The following CSRNP3 variants were observed in gnomAD, a reference collection of about 807,000 sequenced individuals.
CSRNP3 encodes the protein cysteine and serine rich nuclear protein 3, also known as cysteine/serine-rich nuclear protein 3.
Under a neutral mutation model 48.0 loss-of-function variants are expected in CSRNP3, and 12 were observed. That is an observed-to-expected ratio of 0.25 (90% CI 0.16 to 0.41). The LOEUF (loss-of-function observed/expected upper bound fraction) is 0.41, where lower values mean the gene tolerates loss of function less well. CSRNP3 is among the 10% of genes least tolerant of loss of function. The probability of loss-of-function intolerance (pLI) is 1.00; values close to 1 mark genes in which losing one functional copy is unlikely to be tolerated. For synonymous variants in CSRNP3, 263 were observed against 269.7 expected, an observed-to-expected ratio of 0.98 and a Z score of 0.24; for missense variants, 580 against 724.4, an observed-to-expected ratio of 0.80 and a Z score of 2.29.
chr2:165,506,292 T>C (rs1388283471), intron 2 of CSRNP3, among the ~76,000 whole-genome samples: 2 of 152,190 alleles, frequency 1.3e-5, no homozygotes, highest in African/African-American at 2.4e-5. Flanking sequence ...TGTGCTCAGA[T>C]AGGATCTCTG....
intron 3 of CSRNP3, among the ~76,000 whole-genome samples, chr2:165,518,920 G>T (rs1684614907): frequency 6.6e-6 from 1 of 151,916 alleles, no homozygotes; most frequent in African/African-American, 2.4e-5. Context: ...ATGTTACCTA[G>T]AAATTAATTT....
At chr2:165,607,094 T>C (rs1173542087) in intron 4 of CSRNP3, among the ~76,000 whole-genome samples, 1 of 152,158 alleles carries the variant, frequency 6.6e-6, no homozygotes, top group Non-Finnish European at 1.5e-5. Context: ...ATGTTTTATA[T>C]ATATACAATT....
At chr2:165,649,320 G>T (rs1023140072) in intron 4 of CSRNP3, among the ~76,000 whole-genome samples, 3 of 152,140 alleles carry the variant, frequency 2.0e-5, no homozygotes, top group Non-Finnish European at 4.4e-5. Context: ...ATGTGCAAAA[G>T]ACATTATTAG....
intron 4 of CSRNP3, among the ~76,000 whole-genome samples, chr2:165,637,105 A>G (rs1489235172): frequency 1.3e-5 from 2 of 152,246 alleles, no homozygotes; most frequent in East Asian, 1.9e-4. Context: ...TCAAGGCAAC[A>G]GGTGAGTCAC....
intron 2 of CSRNP3, among the ~76,000 whole-genome samples, chr2:165,502,887 C>T (rs1314503987): frequency 6.6e-6 from 1 of 151,834 alleles, no homozygotes; most frequent in Non-Finnish European, 1.5e-5. Flanking sequence ...TTGAATTTCT[C>T]TGAATTGTAG....
At chr2:165,599,799 A>G (rs966074817) in intron 4 of CSRNP3, among the ~76,000 whole-genome samples, 3 of 83,164 alleles carry the variant, frequency 3.6e-5, no homozygotes, top group Non-Finnish European at 9.4e-5. Flanking sequence ...TTTCAGAAAT[A>G]TTATTATTGA....
At chr2:165,481,240 C>T (rs1357269117) in intron 1 of CSRNP3, among the ~76,000 whole-genome samples, 1 of 152,148 alleles carries the variant, frequency 6.6e-6, no homozygotes, top group Admixed American at 6.5e-5. Context: ...TAAAATTGCA[C>T]ATACTGAGTT....
At chr2:165,566,339 A>T (rs1475863562) in intron 3 of CSRNP3, among the ~76,000 whole-genome samples, 1 of 151,638 alleles carries the variant, frequency 6.6e-6, no homozygotes, top group Non-Finnish European at 1.5e-5. Context: ...AAGAACTCCT[A>T]CTCATTCCTG....
chr2:165,488,147 T>C (rs1199855626), intron 1 of CSRNP3, among the ~76,000 whole-genome samples: 1 of 82,600 alleles, frequency 1.2e-5, no homozygotes, highest in Admixed American at 1.5e-4. Flanking sequence ...GTTGCAATCC[T>C]AGTCTCTGAT....
rs75076513 is a variant in CSRNP3 at position 165,603,489 on chromosome 2, C to G, written c.148+8276C>G. ...ATACTCAATTCCAGTATTACAAATT[C>G]AGATCATAACCTCTTTTCCTTCCAC... On this transcript the variant is annotated intron_variant, in intron 4 of 6. Coordinates refer to ENST00000651982, the MANE Select transcript of CSRNP3 (RefSeq NM_001172173.2). Among the ~76,000 whole-genome samples the G allele has an allele frequency of 2.0e-5, 3 of 152,248 alleles. No homozygotes were observed. The East Asian group carries it at 5.8e-4, about 29-fold the overall frequency.
At position 165,573,712 on chromosome 2, in the gene CSRNP3, GA is replaced by G. The variant is rs1238101094; in HGVS notation, c.-23-21329del. On this transcript the variant is annotated intron_variant, in intron 3 of 6. Transcript: ENST00000651982. ...ACTTGGGCACATTTAACATTTTACA[GA>G]ATTACTATAGTGACCTCATGTATTT... 2.6e-5 allele frequency among the ~76,000 whole-genome samples: 4 copies of G among 152,268 alleles called. No homozygotes were observed. In the East Asian group the frequency reaches 7.7e-4, roughly 29 times the overall value.
At chr2:165,552,109 T>C (rs1394379821) in intron 3 of CSRNP3, among the ~76,000 whole-genome samples, 3 of 152,238 alleles carry the variant, frequency 2.0e-5, no homozygotes, top group Non-Finnish European at 1.5e-5. Flanking sequence ...ACACAGAATC[T>C]TGGATTACAT....
intron 5 of CSRNP3, among the ~76,000 whole-genome samples, chr2:165,665,795 G>GAGAGAA (rs1553484201): frequency 6.7e-6 from 1 of 149,422 alleles, no homozygotes; most frequent in African/African-American, 2.5e-5. Flanking sequence ...GAGAGAGAGA[G>GAGAGAA]AGAGAGAAAG....
intron 1 of CSRNP3, among the ~76,000 whole-genome samples, chr2:165,470,424 G>T (rs1309651135): frequency 1.3e-5 from 2 of 152,004 alleles, no homozygotes; most frequent in African/African-American, 4.8e-5. Context: ...TTATTTTAAA[G>T]CACAGAAACC....
chr2:165,564,864 C>G (rs1685278159), intron 3 of CSRNP3, among the ~76,000 whole-genome samples: 1 of 151,922 alleles, frequency 6.6e-6, no homozygotes, highest in Non-Finnish European at 1.5e-5. Context: ...GTATTTAAAA[C>G]TGCATTCTTC....
intron 3 of CSRNP3, among the ~76,000 whole-genome samples, chr2:165,552,505 G>A (rs1685110368): frequency 6.6e-6 from 1 of 152,098 alleles, no homozygotes; most frequent in Admixed American, 6.6e-5. Context: ...AGTTCACCAT[G>A]AACCAGGTAT....
intron 3 of CSRNP3, among the ~76,000 whole-genome samples, chr2:165,586,174 G>A (rs150387900): frequency 0.015 from 2,290 of 152,276 alleles, 28 homozygotes; most frequent in South Asian, 0.024. Flanking sequence ...GCAGGCCTGT[G>A]CTTAATCTAT....
intron 3 of CSRNP3, among the ~76,000 whole-genome samples, chr2:165,552,365 T>C (rs1374681125): frequency 1.3e-5 from 2 of 152,338 alleles, no homozygotes; most frequent in African/African-American, 2.4e-5. Context: ...AGAAAACCGA[T>C]CATGCTTTCC....
chr2:165,604,985 G>A (rs1685984219), intron 4 of CSRNP3, among the ~76,000 whole-genome samples: 1 of 152,052 alleles, frequency 6.6e-6, no homozygotes, highest in Non-Finnish European at 1.5e-5. Flanking sequence ...TTATATAAAT[G>A]TATCTGAAAT....
Sources: allele counts gnomAD v4.1 joint callset (sites outside exome capture counted in the v4.1 genomes callset), GRCh38; gene constraint gnomAD v4.1.1; transcripts MANE v1.5; gene names NCBI Gene and HGNC (gene_info 2026-07-23, HGNC 2026-07-21).